Variants in TIAM1 observed in about 807,000 individuals in gnomAD.
TIAM1 encodes rho guanine nucleotide exchange factor TIAM1.
Under a neutral mutation model 163.5 loss-of-function variants are expected in TIAM1, and 65 were observed. The observed-to-expected ratio is 0.40, with a 90% CI of 0.33 to 0.49. The LOEUF (loss-of-function observed/expected upper bound fraction) is 0.49. TIAM1 is among the 20% of genes least tolerant of loss of function. The probability of loss-of-function intolerance (pLI) is 0.77; values close to 1 mark genes in which losing one functional copy is unlikely to be tolerated. For missense variants in TIAM1, 1,789 were observed against 2,044.7 expected (o/e 0.87, Z 2.41); for synonymous variants, 833 against 810.1 (o/e 1.03, Z -0.48).
In TIAM1 at chr21:31,511,855, TAAC is replaced by T. The variant is rs2047220504; in HGVS notation, c.-422+47069_-422+47071del. ...TTGCTAGGGCAAGGGAAAAATATTA[TAAC>T]AACAAAATTTAATTTGAGAATCTAT... On this transcript the variant is annotated intron_variant, in intron 1 of 28. Transcript: ENST00000286827. 2.0e-5 allele frequency among the ~76,000 whole-genome samples: 3 copies of T among 152,182 alleles called. No homozygotes were observed. The South Asian group carries it at 6.2e-4, about 32-fold the overall frequency.
chr21:31,328,590 C>T (rs996471877), intron 2 of TIAM1, among the ~76,000 whole-genome samples: 3 of 151,608 alleles, frequency 2.0e-5, no homozygotes, highest in Admixed American at 6.6e-5. Flanking sequence ...ATGTGCAGAA[C>T]GTGCAGGTTG....
At chr21:31,210,719 A>AGGG (rs1181026365) in intron 10 of TIAM1, among the ~76,000 whole-genome samples, 75 of 123,326 alleles carry the variant, frequency 6.1e-4, no homozygotes, top group Middle Eastern at 3.9e-3. Flanking sequence ...AAGAAAGAGA[A>AGGG]AGAAAGAAAG....
At chr21:31,207,886 G>A (rs1011456265) in intron 11 of TIAM1, among the ~76,000 whole-genome samples, 5 of 152,100 alleles carry the variant, frequency 3.3e-5, no homozygotes, top group African/African-American at 9.7e-5. Flanking sequence ...CACCGTGCCC[G>A]GCATAAACTC....
intron 2 of TIAM1, among the ~76,000 whole-genome samples, chr21:31,355,829 GCGT>G (rs1213683443): frequency 0.043 from 2 of 46 alleles, no homozygotes; most frequent in Non-Finnish European, 0.1. Flanking sequence ...TGGGATTCAG[GCGT>G]GAGCACTGCG....
chr21:31,160,397 A>G (rs2083855445), intron 16 of TIAM1: 1 of 398,510 alleles, frequency 2.5e-6, no homozygotes, highest in South Asian at 1.3e-4. Context: ...GAAAGTCATA[A>G]CACAATCAAA....
chr21:31,143,469 C>T lies in TIAM1; in HGVS notation c.3476-1965G>A, dbSNP rs867737298. Among the ~76,000 whole-genome samples the T allele has an allele frequency of 1.4e-3, 210 of 148,692 alleles. 1 individual carries two copies. The highest frequency in any genetic ancestry group is 5.1e-3 in the African/African-American group (198 of 39,198). ...TATAATTTTTATATATATATATACA[C>T]ACACACACACGTATATTTTATTAGA... On this transcript the variant is annotated intron_variant, in intron 20 of 27. Transcript: ENST00000541036.
rs527267733 is a variant in TIAM1 at position 31,309,187 on chromosome 21, G to A, written c.-189+30056C>T. ...GGTCTTCCAAAATTAAGCTGGGTGC[G>A]GTGGCACAACCTGTAATCCCAGCAC... On this transcript the variant is annotated intron_variant, in intron 2 of 27. Transcript: ENST00000541036. Among the ~76,000 whole-genome samples the A allele has an allele frequency of 3.9e-5, 6 of 152,286 alleles. No homozygotes were observed. In the East Asian group the frequency reaches 7.7e-4, roughly 20 times the overall value.
At chr21:31,142,032 C>T (rs1601252230) in intron 20 of TIAM1, among the ~76,000 whole-genome samples, 1 of 152,124 alleles carries the variant, frequency 6.6e-6, no homozygotes, top group South Asian at 2.1e-4. Flanking sequence ...GCTTCGAGTG[C>T]ACCACAGAGC....
chr21:31,441,239 G>A (rs900200830), intron 2 of TIAM1, among the ~76,000 whole-genome samples: 2 of 152,332 alleles, frequency 1.3e-5, no homozygotes, highest in East Asian at 3.9e-4. Context: ...ATTAGGGTTG[G>A]AAGGAACTTA....
chr21:31,474,771 C>T lies in TIAM1; in HGVS notation c.-421-10736G>A, dbSNP rs574570312. On this transcript the variant is annotated intron_variant, in intron 1 of 28. Transcript: ENST00000286827. Reference sequence around the variant, plus strand: ...ATGTTGGTCAGGCTGGTCTCGAACTCCCGACCTCAGTTGATCCGCCTGCCT... The same window carrying T: ...ATGTTGGTCAGGCTGGTCTCGAACTTCCGACCTCAGTTGATCCGCCTGCCT... Among the ~76,000 whole-genome samples the T allele has an allele frequency of 2.0e-5, 3 of 151,886 alleles. No individual in the cohort carries two copies. The East Asian group carries it at 5.8e-4, about 29-fold the overall frequency.
At chr21:31,519,408 T>C (rs1396303953) in intron 1 of TIAM1, among the ~76,000 whole-genome samples, 1 of 142,052 alleles carries the variant, frequency 7.0e-6, no homozygotes, top group Non-Finnish European at 1.5e-5. Context: ...ACTCAGGAGG[T>C]TGAGGCATGA....
chr21:31,467,514 T>A (rs1439511540), intron 1 of TIAM1, among the ~76,000 whole-genome samples: 2 of 151,480 alleles, frequency 1.3e-5, no homozygotes, highest in African/African-American at 4.9e-5. Flanking sequence ...TAATCCCAGC[T>A]ACTTGGGAGG....
intron 2 of TIAM1, among the ~76,000 whole-genome samples, chr21:31,291,167 C>T (rs894015564): frequency 2.0e-5 from 3 of 152,160 alleles, no homozygotes; most frequent in African/African-American, 7.2e-5. Context: ...ACCATAACTG[C>T]ATTTCTCAGT....
At position 31,120,146 on chromosome 21, in the gene TIAM1, G is replaced by A; in HGVS notation, c.*222C>T. On this transcript the variant is annotated 3_prime_UTR_variant, in exon 28 of 28. Transcript: ENST00000541036. The surrounding 1 kb of genome is among the most constrained non-coding windows in gnomAD (Gnocchi z 4.2). The stretch of plus-strand genomic sequence containing the variant: ...AAATAAAAGCCCTTAGTAATATACA[G>A]AAGATAGGACTCAAGCTTATTTGGG... 1 of 533,230 alleles carries A rather than the reference G, an allele frequency of 1.9e-6. No homozygotes were observed. 33.0% of individuals were successfully genotyped at this position (533,230 alleles called of 1,614,324 possible).
rs551249986 is a variant in TIAM1, at chr21:31,141,437, C to T, written c.3543G>A (p.Thr1181=). 7 of 1,614,194 alleles carry T rather than the reference C, an allele frequency of 4.3e-6. No individual in the cohort carries two copies. Among genetic ancestry groups the T allele is most frequent in the Middle Eastern group, 1.7e-4 (1 of 6,060 alleles). Residue 1181 remains threonine, a synonymous_variant, in exon 21 of 28, where the codon ACG becomes ACA. Coordinates refer to ENST00000541036, the MANE Select transcript of TIAM1 (RefSeq NM_001353694.2). The surrounding 1 kb of genome is among the most constrained non-coding windows in gnomAD (Gnocchi z 4.7). ...TGGGCTTGATGAGGTACGACTCCAG[C>T]GTGGATGAGTGCTGCTGCTTCGGGT... ...AQNPKQQHSS[T]LESYLIKPIQ...
intron 5 of TIAM1, among the ~76,000 whole-genome samples, chr21:31,250,736 GA>G (rs2071755778): frequency 1.3e-5 from 2 of 152,154 alleles, no homozygotes; most frequent in Admixed American, 1.3e-4. Flanking sequence ...GTGTGTTTGA[GA>G]AGTGTTTTTC....
chr21:31,155,585 A>G (rs1259610552), intron 16 of TIAM1, among the ~76,000 whole-genome samples: 2 of 152,060 alleles, frequency 1.3e-5, no homozygotes, highest in East Asian at 3.9e-4. Flanking sequence ...GCTCACAGCA[A>G]GCTCCACCTT....
intron 2 of TIAM1, among the ~76,000 whole-genome samples, chr21:31,431,928 T>G (rs1378999136): frequency 6.6e-6 from 1 of 152,156 alleles, no homozygotes; most frequent in Non-Finnish European, 1.5e-5. Context: ...AAAATGACTG[T>G]AAACAAAATC....
At chr21:31,343,850 T>C (rs1167179331) in intron 1 of TIAM1, among the ~76,000 whole-genome samples, 1 of 152,160 alleles carries the variant, frequency 6.6e-6, no homozygotes, top group Non-Finnish European at 1.5e-5. Flanking sequence ...GGGGGAAAGA[T>C]GACGCTTTCA....
Sources: allele counts gnomAD v4.1 joint callset (sites outside exome capture counted in the v4.1 genomes callset), GRCh38; gene constraint gnomAD v4.1.1; non-coding constraint Gnocchi (gnomAD v3.1); transcripts MANE v1.5; gene names NCBI Gene and HGNC (gene_info 2026-07-23, HGNC 2026-07-21).